GNA13: variants seen among roughly 807,000 people sequenced by gnomAD.
The protein encoded by GNA13 is guanine nucleotide-binding protein subunit alpha-13.
A neutral mutation model predicts 33.5 loss-of-function variants in GNA13; 4 were observed. The observed-to-expected ratio is 0.12, with a 90% CI of 0.06 to 0.27. GNA13 has a LOEUF of 0.27. GNA13 is among the 10% of genes least tolerant of loss of function. The pLI is 1.00. For synonymous variants in GNA13, 176 were observed against 183.8 expected (o/e 0.96, Z 0.34); for missense variants, 319 against 487.2 (o/e 0.65, Z 3.25).
At chr17:65,041,656 C>G (rs1008155527) in intron 2 of GNA13, among the ~76,000 whole-genome samples, 1 of 151,910 alleles carries the variant, frequency 6.6e-6, no homozygotes, top group Non-Finnish European at 1.5e-5. Context: ...TGTGTGTGCA[C>G]GTGGAAGGGG....
rs117098907 is a variant in GNA13, at chr17:65,052,886, G to C, written c.510+616C>G. ...TACTAAAAAGACAAAAATTAGCTAG[G>C]TGTGGTGGCACGCGCCTATAGACCC... On this transcript the variant is annotated intron_variant, in intron 2 of 3. Transcript: ENST00000439174. Among the ~76,000 whole-genome samples, 743 of 152,248 alleles carry C rather than the reference G, an allele frequency of 4.9e-3. 5 individuals carry two copies. The highest frequency in any genetic ancestry group is 8.4e-3 in the Non-Finnish European group (571 of 68,024).
chr17:65,044,247 A>G (rs1907573141), intron 2 of GNA13, among the ~76,000 whole-genome samples: 1 of 152,246 alleles, frequency 6.6e-6, no homozygotes. Context: ...GGCCAAGTGC[A>G]CTAAAGTTCA....
At chr17:65,044,461 A>G (rs996459474) in intron 2 of GNA13, among the ~76,000 whole-genome samples, 42 of 152,156 alleles carry the variant, frequency 2.8e-4, no homozygotes, top group African/African-American at 9.4e-4. Flanking sequence ...TCATTTCCAG[A>G]AATACACACT....
intron 2 of GNA13, among the ~76,000 whole-genome samples, chr17:65,019,687 G>C (rs1431277597): frequency 6.6e-6 from 1 of 152,178 alleles, no homozygotes. Context: ...GCAAGGGTTG[G>C]GGTGGCAGGA....
rs1402962341 is a variant in GNA13 at position 65,014,325 on chromosome 17, G to A, written c.1066C>T (p.Arg356Cys). 6.2e-7 allele frequency: 1 copy of A among 1,613,354 alleles called. No individual in the cohort carries two copies. Among genetic ancestry groups the A allele is most frequent in the Non-Finnish European group, 8.5e-7 (1 of 1,179,316 alleles). Reference protein sequence around the residue: ...FTTAINTENIRLVFRDVKDTI... With the variant: ...FTTAINTENICLVFRDVKDTI... ...TCCTTCACGTCACGGAAAACAAGGC[G>A]GATGTTCTCCGTGTTGATAGCAGTG... The change falls in exon 4 of 4, where the codon CGC becomes TGC. Residue 356 changes from arginine to cysteine, a missense_variant. Transcript: ENST00000439174. The surrounding 1 kb of genome is among the most constrained non-coding windows in gnomAD (Gnocchi z 5.3).
At chr17:65,025,801 A>C (rs1001942700) in intron 2 of GNA13, among the ~76,000 whole-genome samples, 8 of 125,894 alleles carry the variant, frequency 6.4e-5, no homozygotes, top group African/African-American at 2.4e-4. Flanking sequence ...GAACACATAG[A>C]GAGATCCCAT....
intron 2 of GNA13, among the ~76,000 whole-genome samples, chr17:65,030,754 T>G (rs939689614): frequency 1.3e-5 from 2 of 152,204 alleles, no homozygotes; most frequent in Non-Finnish European, 2.9e-5. Flanking sequence ...TGCTCATGCT[T>G]GTAATCTCAG....
chr17:65,051,650 G>C (rs898550264), intron 2 of GNA13, among the ~76,000 whole-genome samples: 7 of 152,100 alleles, frequency 4.6e-5, no homozygotes, highest in Non-Finnish European at 7.4e-5. Context: ...AGTGATGGGC[G>C]ATGGAAAGGG....
chr17:65,056,554 ACACGGACAG>A lies in GNA13; in HGVS notation c.31_39del (p.Leu11_Val13del). ...CTCGTCAGCAGGCAGCCGGGGAAGCACACGGACAGCACGGACCGCGACGGCAGGAAGTCC... is the reference window on the plus strand; with the variant it reads ...CTCGTCAGCAGGCAGCCGGGGAAGCACACGGACCGCGACGGCAGGAAGTCC... On this transcript the variant is annotated inframe_deletion, in exon 1 of 4. Transcript: ENST00000439174. The A allele has an allele frequency of 6.2e-7, 1 of 1,611,816 alleles. No homozygotes were observed. The highest frequency in any genetic ancestry group is 8.5e-7 in the Non-Finnish European group (1 of 1,179,696).
At position 65,013,214 on chromosome 17, in the gene GNA13, T is replaced by G. The variant is rs1020044562; in HGVS notation, c.*1043A>C. On this transcript the variant is annotated 3_prime_UTR_variant, in exon 4 of 4. Transcript: ENST00000439174. ...TTGAATAGTCTTGACAGAAAAATAC[T>G]GCCCTTAGCAAACTCCAAATAAACA... 3.4e-5 allele frequency: 7 copies of G among 206,496 alleles called. No homozygotes were observed. Among genetic ancestry groups the G allele is most frequent in the Admixed American group, 2.4e-4 (4 of 16,824 alleles). The allele number at this position is 206,496 out of a possible 1,614,324, so 12.8% of individuals were successfully genotyped here.
At chr17:65,052,913 G>C (rs1907907045) in intron 2 of GNA13, 1 of 152,578 alleles carries the variant, frequency 6.6e-6, no homozygotes, top group Non-Finnish European at 1.5e-5. Flanking sequence ...TATAGACCCA[G>C]CTACACAGGA....
At chr17:65,054,638 A>G (rs530061199) in intron 1 of GNA13, among the ~76,000 whole-genome samples, 5 of 152,274 alleles carry the variant, frequency 3.3e-5, no homozygotes, top group African/African-American at 1.2e-4. Context: ...GTCAAATTTC[A>G]TGTCAACTTG....
At chr17:65,017,846 A>AT (rs1444942477) in intron 3 of GNA13, among the ~76,000 whole-genome samples, 1 of 152,182 alleles carries the variant, frequency 6.6e-6, no homozygotes, top group Non-Finnish European at 1.5e-5. Flanking sequence ...ATACTAAAGT[A>AT]TAACAGATAA....
chr17:65,018,426 T>C, intron 2 of GNA13, 123 bp from the exon 3 acceptor site: 1 of 675,646 alleles, frequency 1.5e-6, no homozygotes, highest in Non-Finnish European at 2.7e-6. Flanking sequence ...AGTCACCAAT[T>C]TCAGACAGCT....
In GNA13 at chr17:65,056,727, G is replaced by A; in HGVS notation, c.-134C>T. ...GGCCCGAGCGCGCCCAGGGAGGGAG[G>A]GAACCAGCGAACTGACTCGCAGGGC... is the stretch of plus-strand genomic sequence containing the variant. On this transcript the variant is annotated 5_prime_UTR_variant, in exon 1 of 4. Coordinates refer to ENST00000439174, the MANE Select transcript of GNA13 (RefSeq NM_006572.6). 2 of 385,668 alleles carry A rather than the reference G, an allele frequency of 5.2e-6. No individual in the cohort carries two copies. Among genetic ancestry groups the A allele is most frequent in the Non-Finnish European group, 8.0e-6 (2 of 250,472 alleles). The allele number at this position is 385,668 out of a possible 1,614,324, so 23.9% of individuals were successfully genotyped here.
intron 2 of GNA13, among the ~76,000 whole-genome samples, chr17:65,040,241 G>GA (rs1907405074): frequency 6.6e-6 from 1 of 152,216 alleles, no homozygotes. Flanking sequence ...GAAAAGTCCA[G>GA]AAAAAATGGA....
At chr17:65,030,775 G>A (rs1364584047) in intron 2 of GNA13, among the ~76,000 whole-genome samples, 2 of 152,176 alleles carry the variant, frequency 1.3e-5, no homozygotes, top group South Asian at 2.1e-4. Context: ...CACTTTGGGA[G>A]GCCAAGATCA....
At chr17:65,046,981 T>C (rs1337768576) in intron 2 of GNA13, among the ~76,000 whole-genome samples, 1 of 152,136 alleles carries the variant, frequency 6.6e-6, no homozygotes, top group Non-Finnish European at 1.5e-5. Context: ...AATTTCAACA[T>C]AATAGAATAC....
At chr17:65,025,819 A>T (rs1370993997) in intron 2 of GNA13, among the ~76,000 whole-genome samples, 6 of 296 alleles carry the variant, frequency 0.02, no homozygotes, top group African/African-American at 0.027. Flanking sequence ...CATCTCTACA[A>T]AAAAAAAAAA....
Sources: allele counts gnomAD v4.1 joint callset (sites outside exome capture counted in the v4.1 genomes callset), GRCh38; gene constraint gnomAD v4.1.1; non-coding constraint Gnocchi (gnomAD v3.1); transcripts MANE v1.5; gene names NCBI Gene and HGNC (gene_info 2026-07-23, HGNC 2026-07-21).